The following AKAP6 variants were observed in gnomAD, a reference collection of about 807,000 sequenced individuals.
AKAP6 encodes A-kinase anchor protein 6.
A neutral mutation model predicts 188.5 loss-of-function variants in AKAP6; 58 were observed. The ratio of observed to expected loss-of-function variants is 0.31; its 90% CI spans 0.25 to 0.38. AKAP6 has a LOEUF of 0.38. Among genes scored for constraint, AKAP6 ranks in the 10% least tolerant of loss-of-function variants. AKAP6 has a pLI of 1.00. For missense variants in AKAP6, 2,710 were observed against 2,740.0 expected (o/e 0.99, Z 0.24); for synonymous variants, 989 against 998.6 (o/e 0.99, Z 0.18).
chr14:32,646,022 A>G (rs1281566431), intron 7 of AKAP6, among the ~76,000 whole-genome samples: 1 of 152,142 alleles, frequency 6.6e-6, no homozygotes, highest in Non-Finnish European at 1.5e-5. Context: ...ACCTGGAAAC[A>G]TGGAAGCATG....
At chr14:32,361,157 G>T (rs923522809) in intron 1 of AKAP6, among the ~76,000 whole-genome samples, 1 of 151,674 alleles carries the variant, frequency 6.6e-6, no homozygotes, top group South Asian at 2.1e-4. Flanking sequence ...GCTATAAATG[G>T]CATAGGATGA....
chr14:32,628,908 T>C (rs879080559), intron 7 of AKAP6, among the ~76,000 whole-genome samples: 1 of 152,086 alleles, frequency 6.6e-6, no homozygotes, highest in Non-Finnish European at 1.5e-5. Context: ...CAAATAAAAA[T>C]GAAAGTTAAT....
At chr14:32,717,108 G>A (rs893484545) in intron 9 of AKAP6, among the ~76,000 whole-genome samples, 4 of 152,104 alleles carry the variant, frequency 2.6e-5, no homozygotes, top group African/African-American at 7.2e-5. Flanking sequence ...GAGAACAAAG[G>A]CAGAAGTAAC....
intron 4 of AKAP6, among the ~76,000 whole-genome samples, chr14:32,560,226 T>C (rs778111482): frequency 3.3e-5 from 5 of 152,186 alleles, no homozygotes; most frequent in African/African-American, 4.8e-5. Context: ...TAAAAATCTT[T>C]TGTGTATATT....
At chr14:32,683,470 G>A (rs946689773) in intron 8 of AKAP6, among the ~76,000 whole-genome samples, 1 of 152,162 alleles carries the variant, frequency 6.6e-6, no homozygotes, top group South Asian at 2.1e-4. Flanking sequence ...CCATTCTGAT[G>A]CCCCAGTTAT....
At chr14:32,625,982 A>G (rs1474911167) in intron 7 of AKAP6, among the ~76,000 whole-genome samples, 1 of 152,154 alleles carries the variant, frequency 6.6e-6, no homozygotes, top group Non-Finnish European at 1.5e-5. Context: ...TATGTGTCTA[A>G]CTTGGGTTCT....
At chr14:32,810,757 A>C (rs780948518) in intron 12 of AKAP6, among the ~76,000 whole-genome samples, 1 of 152,176 alleles carries the variant, frequency 6.6e-6, no homozygotes, top group Non-Finnish European at 1.5e-5. Flanking sequence ...AAAAGCAGTT[A>C]TCTTTATGAG....
chr14:32,426,428 G>A (rs111442045), intron 1 of AKAP6, among the ~76,000 whole-genome samples: 3,781 of 152,256 alleles, frequency 0.025, 136 homozygotes, highest in African/African-American at 0.085. Context: ...AGTAATGTCC[G>A]TTGATTTAAA....
chr14:32,449,245 T>G (rs1890852869), intron 2 of AKAP6, among the ~76,000 whole-genome samples: 1 of 152,172 alleles, frequency 6.6e-6, no homozygotes, highest in South Asian at 2.1e-4. Flanking sequence ...CAGTGACTCA[T>G]GCCTGTAACC....
In AKAP6 at chr14:32,390,611, T is replaced by C. The variant is rs1594569375; in HGVS notation, c.-34-42849T>C. 2.6e-5 allele frequency among the ~76,000 whole-genome samples: 4 copies of C among 152,116 alleles called. No homozygotes were observed. The South Asian group carries it at 8.3e-4, about 32-fold the overall frequency. On this transcript the variant is annotated intron_variant, in intron 1 of 13. Coordinates refer to ENST00000280979, the MANE Select transcript of AKAP6 (RefSeq NM_004274.5). The stretch of plus-strand genomic sequence containing the variant: ...CCTGAGGGCTGAGTTGTAGTGAGTG[T>C]TATCTCTCTTCTGGATCTAGCCAGC...
Position 32,492,355 on chromosome 14 carries a change from T to TATATATATATATAGAGAGAGAGAG in AKAP6, c.325-43198_325-43197insTATATATATATAGAGAGAGAGAGA. On this transcript the variant is annotated intron_variant, in intron 2 of 13. Coordinates refer to ENST00000280979, the MANE Select transcript of AKAP6 (RefSeq NM_004274.5). ...ACATTGTAATATATATATATATATATAGAGAGAGAGAGAGAGAGAGAGAGA... is the reference window on the plus strand; with the variant it reads ...ACATTGTAATATATATATATATATATATATATATATATAGAGAGAGAGAGAGAGAGAGAGAGAGAGAGAGAGAGA... Among the ~76,000 whole-genome samples, 257 of 82,576 alleles carry TATATATATATATAGAGAGAGAGAG rather than the reference T, an allele frequency of 3.1e-3. 3 individuals carry two copies. Among genetic ancestry groups the TATATATATATATAGAGAGAGAGAG allele is most frequent in the East Asian group, 9.2e-3 (14 of 1,526 alleles). The allele number at this position is 82,576 out of a possible 152,430, so 54.2% of individuals were successfully genotyped here.
At chr14:32,605,673 G>T (rs1019829164) in intron 7 of AKAP6, among the ~76,000 whole-genome samples, 4 of 152,136 alleles carry the variant, frequency 2.6e-5, no homozygotes. Context: ...AGCTGGATTT[G>T]GCTTCTTAGC....
At chr14:32,696,355 T>C (rs1385054749) in intron 9 of AKAP6, among the ~76,000 whole-genome samples, 1 of 152,200 alleles carries the variant, frequency 6.6e-6, no homozygotes, top group African/African-American at 2.4e-5. Context: ...AGGACAAAGA[T>C]TTATCTTCAA....
intron 5 of AKAP6, among the ~76,000 whole-genome samples, chr14:32,584,477 A>G (rs144400243): frequency 5.4e-4 from 82 of 152,340 alleles, no homozygotes; most frequent in Non-Finnish European, 6.9e-4. Flanking sequence ...GAAACTGAAG[A>G]TGCAAAACCA....
At chr14:32,589,961 T>G (rs1413250626) in intron 5 of AKAP6, among the ~76,000 whole-genome samples, 3 of 151,786 alleles carry the variant, frequency 2.0e-5, no homozygotes, top group Non-Finnish European at 4.4e-5. Context: ...TTCATGAGCT[T>G]ACCCTACTTC....
rs577096629 is a variant in AKAP6 at position 32,830,032 on chromosome 14, G to C, written c.*227G>C. The stretch of plus-strand genomic sequence containing the variant: ...GTGCGCTGGTTCTCTTTAGGTGATC[G>C]TCTTTGAAGTTCAGCAAAGCTGCTT... On this transcript the variant is annotated 3_prime_UTR_variant, in exon 14 of 14. Coordinates refer to ENST00000280979, the MANE Select transcript of AKAP6 (RefSeq NM_004274.5). 1 of 692,048 alleles carries C rather than the reference G, an allele frequency of 1.4e-6. No individual in the cohort carries two copies. The highest frequency in any genetic ancestry group is 1.8e-5 in the African/African-American group (1 of 56,568). The allele number at this position is 692,048 out of a possible 1,614,324, so 42.9% of individuals were successfully genotyped here.
At chr14:32,504,462 G>A (rs962284127) in intron 2 of AKAP6, among the ~76,000 whole-genome samples, 2 of 152,002 alleles carry the variant, frequency 1.3e-5, no homozygotes, top group Non-Finnish European at 2.9e-5. Context: ...TGTATTTTTA[G>A]TAGAGACAGG....
At chr14:32,701,029 G>A (rs891923163) in intron 9 of AKAP6, among the ~76,000 whole-genome samples, 3 of 152,176 alleles carry the variant, frequency 2.0e-5, no homozygotes, top group Admixed American at 6.5e-5. Flanking sequence ...ACTTAATTTT[G>A]TAGGTTAGTT....
chr14:32,742,973 A>C (rs2031742698), intron 11 of AKAP6, among the ~76,000 whole-genome samples: 1 of 152,106 alleles, frequency 6.6e-6, no homozygotes, highest in South Asian at 2.1e-4. Flanking sequence ...GGTGAGTTGA[A>C]GTCTCCAGCT....
Sources: gnomAD v4.1 joint callset for allele counts (sites outside exome capture counted in the v4.1 genomes callset) on GRCh38, gnomAD v4.1.1 for gene constraint, MANE v1.5 for transcripts, NCBI Gene and HGNC (gene_info 2026-07-23, HGNC 2026-07-21) for gene names.